The following SMAP1 variants were observed in gnomAD, a reference collection of about 807,000 sequenced individuals.
SMAP1 encodes the protein stromal membrane-associated protein 1.
In SMAP1, 24 loss-of-function variants were observed where a neutral mutation model predicts 58.5. The ratio of observed to expected loss-of-function variants is 0.41; its 90% confidence interval spans 0.30 to 0.58. SMAP1 has a LOEUF of 0.58. Among genes scored for constraint, SMAP1 ranks in the 20% least tolerant of loss-of-function variants. The pLI is 0.29. For synonymous variants in SMAP1, 216 were observed against 196.6 expected (o/e 1.10, Z -0.82); for missense variants, 563 against 566.3 (o/e 0.99, Z 0.06).
At chr6:70,701,053 G>A (rs568462004) in intron 1 of SMAP1, among the ~76,000 whole-genome samples, 1 of 151,998 alleles carries the variant, frequency 6.6e-6, no homozygotes, top group Non-Finnish European at 1.5e-5. Flanking sequence ...CTCCTCACAC[G>A]GAAGGAAGGA....
intron 3 of SMAP1, among the ~76,000 whole-genome samples, chr6:70,769,057 A>G (rs537624421): frequency 7.2e-5 from 11 of 152,248 alleles, no homozygotes; most frequent in South Asian, 6.2e-4. Flanking sequence ...GTAGCTGAGC[A>G]GTTTTGAGTG....
chr6:70,704,341 C>T (rs978851871), intron 1 of SMAP1, among the ~76,000 whole-genome samples: 7 of 152,158 alleles, frequency 4.6e-5, no homozygotes, highest in Admixed American at 4.6e-4. Context: ...CATTACTCCT[C>T]CTGATTCTTT....
chr6:70,752,457 G>A (rs1195637410), intron 2 of SMAP1, among the ~76,000 whole-genome samples: 2 of 152,166 alleles, frequency 1.3e-5, no homozygotes, highest in East Asian at 1.9e-4. Context: ...GGATAATAAT[G>A]CCTGTCTCAT....
intron 1 of SMAP1, among the ~76,000 whole-genome samples, chr6:70,726,096 T>C (rs1768773895): frequency 6.6e-6 from 1 of 152,234 alleles, no homozygotes; most frequent in Admixed American, 6.5e-5. Context: ...CTTTATGTTT[T>C]GAGCCTAAAT....
chr6:70,784,181 A>C, intron 4 of SMAP1, among the ~76,000 whole-genome samples: 1 of 152,188 alleles, frequency 6.6e-6, no homozygotes. Context: ...TTCAAGCCAG[A>C]ATTTCATATC....
At chr6:70,728,267 T>C (rs1201357138) in intron 1 of SMAP1, among the ~76,000 whole-genome samples, 1 of 152,092 alleles carries the variant, frequency 6.6e-6, no homozygotes, top group Non-Finnish European at 1.5e-5. Flanking sequence ...ACAGGCCCAG[T>C]GTGGTTAATG....
intron 1 of SMAP1, among the ~76,000 whole-genome samples, 167 bp from the exon 2 acceptor site, chr6:70,732,211 C>T (rs1582079855): frequency 6.6e-6 from 1 of 152,148 alleles, no homozygotes; most frequent in East Asian, 1.9e-4. Flanking sequence ...TGCCAAGACA[C>T]ATGTCTTCTT....
chr6:70,833,139 C>G (rs1770432211), intron 6 of SMAP1, among the ~76,000 whole-genome samples: 1 of 152,094 alleles, frequency 6.6e-6, no homozygotes. Context: ...GTTACTCTAT[C>G]TAGAATTTTA....
chr6:70,668,292 C>G, intron 1 of SMAP1, 151 bp downstream of exon 1: 1 of 834,826 alleles, frequency 1.2e-6, no homozygotes, highest in Non-Finnish European at 1.8e-6. Context: ...CGGGCGGGCG[C>G]GGGGCTCCTG....
chr6:70,670,345 C>CA (rs996258740), intron 1 of SMAP1, among the ~76,000 whole-genome samples: 1 of 151,960 alleles, frequency 6.6e-6, no homozygotes, highest in East Asian at 1.9e-4. Flanking sequence ...ATCTTTCAGG[C>CA]AAAAAATCAC....
At chr6:70,690,054 A>G (rs962913413) in intron 1 of SMAP1, among the ~76,000 whole-genome samples, 4 of 151,372 alleles carry the variant, frequency 2.6e-5, no homozygotes, top group Admixed American at 2.6e-4. Context: ...CCTTTTTCTT[A>G]TTTTATTGCA....
chr6:70,794,852 G>A (rs185575869), intron 5 of SMAP1, among the ~76,000 whole-genome samples: 66 of 144,366 alleles, frequency 4.6e-4, no homozygotes, highest in African/African-American at 1.5e-3. Context: ...GCAGTGGCAC[G>A]ATCTCAGCTC....
intron 6 of SMAP1, among the ~76,000 whole-genome samples, chr6:70,804,313 T>G (rs1303783859): frequency 7.2e-6 from 1 of 139,366 alleles, no homozygotes; most frequent in Non-Finnish European, 1.6e-5. Flanking sequence ...GCAACCCCTG[T>G]TTTTTTTTTT....
chr6:70,767,213 T>C (rs922098062), intron 3 of SMAP1, among the ~76,000 whole-genome samples: 4 of 151,982 alleles, frequency 2.6e-5, no homozygotes, highest in South Asian at 2.1e-4. Flanking sequence ...TGGCTTAGGA[T>C]TGACTTGGCG....
intron 2 of SMAP1, among the ~76,000 whole-genome samples, chr6:70,742,159 GCAGATTTCTGCAAC>G (rs1273493098): frequency 2.0e-5 from 3 of 152,144 alleles, no homozygotes; most frequent in African/African-American, 7.2e-5. Flanking sequence ...CATTACTTAC[GCAGATTTCTGCAAC>G]CGGGTTGAAT....
Position 70,860,298 on chromosome 6 carries a change from A to G in SMAP1, c.1368A>G (p.Ser456=). Residue 456 remains serine (S), a synonymous_variant, in exon 11 of 11, where the codon TCA becomes TCG. Transcript: ENST00000370455. The part of the protein sequence containing the change: ...SSTTAGWSGS[S]SGQTLSTQLW... ...CAACAGCAGGATGGTCTGGAAGCTCATCAGGTCAGACTCTCAGCACACAAC... is the reference window on the plus strand; with the variant it reads ...CAACAGCAGGATGGTCTGGAAGCTCGTCAGGTCAGACTCTCAGCACACAAC... 6.2e-7 allele frequency: 1 copy of G among 1,613,440 alleles called. No individual in the cohort carries two copies. The highest frequency in any genetic ancestry group is 8.5e-7 in the Non-Finnish European group (1 of 1,179,584).
At chr6:70,772,025 G>A (rs770287989) in intron 3 of SMAP1, among the ~76,000 whole-genome samples, 4 of 152,110 alleles carry the variant, frequency 2.6e-5, no homozygotes, top group Non-Finnish European at 5.9e-5. Flanking sequence ...CTATTGCAGG[G>A]TGCACTTACA....
intron 3 of SMAP1, among the ~76,000 whole-genome samples, chr6:70,757,821 T>A (rs1766564282): frequency 6.6e-6 from 1 of 152,326 alleles, no homozygotes; most frequent in South Asian, 2.1e-4. Flanking sequence ...CACAATGAGA[T>A]ACCATCTCAC....
intron 5 of SMAP1, among the ~76,000 whole-genome samples, chr6:70,798,001 T>C (rs1345842118): frequency 2.6e-5 from 4 of 152,126 alleles, no homozygotes; most frequent in Non-Finnish European, 5.9e-5. Context: ...TATCTAATCC[T>C]TATTGGAAAT....
Sources: gnomAD v4.1 joint callset for allele counts (sites outside exome capture counted in the v4.1 genomes callset) on GRCh38, gnomAD v4.1.1 for gene constraint, MANE v1.5 for transcripts, NCBI Gene and HGNC (gene_info 2026-07-23, HGNC 2026-07-21) for gene names.